DENND6A: variants seen among roughly 807,000 people sequenced by gnomAD.
The protein encoded by DENND6A is DENN domain containing 6A.
DENND6A carries 43 observed loss-of-function variants against 95.5 expected under a neutral mutation model. The ratio of observed to expected loss-of-function variants is 0.45; its 90% CI spans 0.35 to 0.58. The LOEUF (loss-of-function observed/expected upper bound fraction) is 0.58, where lower values mean the gene tolerates loss of function less well. DENND6A is among the 20% of genes least tolerant of loss of function. The pLI, the probability that DENND6A is intolerant of heterozygous loss-of-function variation, is 0.00. For missense variants in DENND6A, 574 were observed against 736.0 expected, an observed-to-expected ratio of 0.78 and a Z score of 2.55; for synonymous variants, 257 against 260.4, an observed-to-expected ratio of 0.99 and a Z score of 0.13.
At chr3:57,634,812 T>C in intron 12 of DENND6A, 43 bp from the exon 13 acceptor site, 2 of 1,439,746 alleles carry the variant, frequency 1.4e-6, no homozygotes, top group East Asian at 5.0e-5. Context: ...ATTCTAATCA[T>C]ACATATTACA....
At chr3:57,638,652 G>A (rs1311394069) in intron 12 of DENND6A, among the ~76,000 whole-genome samples, 6 of 151,654 alleles carry the variant, frequency 4.0e-5, no homozygotes, top group African/African-American at 7.3e-5. Context: ...GTGAGACTCC[G>A]TTTCAAAAAT....
chr3:57,682,824 C>T (rs2077178479), intron 1 of DENND6A, among the ~76,000 whole-genome samples: 2 of 152,096 alleles, frequency 1.3e-5, no homozygotes, highest in Non-Finnish European at 2.9e-5. Context: ...TACAGGTGTG[C>T]AACATCCCGC....
intron 1 of DENND6A, among the ~76,000 whole-genome samples, chr3:57,687,936 A>AG (rs1258709118): frequency 6.6e-6 from 1 of 151,362 alleles, no homozygotes; most frequent in African/African-American, 2.4e-5. Context: ...CCTCAAAAAA[A>AG]AAAAAAAGAA....
intron 1 of DENND6A, among the ~76,000 whole-genome samples, chr3:57,673,213 C>CAAAAAAAAAAAAAAAAA (rs386396751): frequency 4.2e-5 from 3 of 70,708 alleles, no homozygotes; most frequent in East Asian, 4.0e-4. Flanking sequence ...CATTTCGTAT[C>CAAAAAAAAAAAAAAAAA]AAAAAAAAAA....
chr3:57,666,359 GA>G (rs2071524516), intron 3 of DENND6A, 124 bp from the exon 4 acceptor site: 5 of 757,542 alleles, frequency 6.6e-6, no homozygotes, highest in Non-Finnish European at 1.0e-5. Context: ...TGTTTTGGAG[GA>G]AAAAAAGAAA....
rs2070724022 is a variant in DENND6A at position 57,633,246 on chromosome 3, AATTT to A, written c.1353+15_1353+18del. ...TCACCAAATCATTAAATTATGCAAA[AATTT>A]ATTTATTAACTTACTAATGGAATGA... On this transcript the variant is annotated intron_variant, in intron 15 of 19. Coordinates refer to ENST00000311128, the MANE Select transcript of DENND6A (RefSeq NM_152678.3). The A allele has an allele frequency of 2.5e-6, 4 of 1,595,234 alleles. No individual in the cohort carries two copies. The highest frequency in any genetic ancestry group is 2.2e-5 in the South Asian group (2 of 90,276).
At chr3:57,639,398 T>C (rs1021290659) in intron 12 of DENND6A, among the ~76,000 whole-genome samples, 24 of 152,328 alleles carry the variant, frequency 1.6e-4, no homozygotes, top group Non-Finnish European at 2.8e-4. Context: ...CTACCAATGA[T>C]TTTGTGCAAA....
intron 11 of DENND6A, among the ~76,000 whole-genome samples, chr3:57,644,909 A>G (rs1229248234): frequency 6.6e-6 from 1 of 151,692 alleles, no homozygotes; most frequent in East Asian, 2.0e-4. Flanking sequence ...GGCAAGAACA[A>G]ATTCAGTGAA....
rs1233635396 is a variant in DENND6A at position 57,672,042 on chromosome 3, T to G, written c.319+214A>C. On this transcript the variant is annotated intron_variant, in intron 3 of 19. Coordinates refer to ENST00000311128, the MANE Select transcript of DENND6A (RefSeq NM_152678.3). ...CACTATTTTAAGAGTTTATTGTTCC[T>G]TGATGGTTTACCTCATCACACCATA... Among the ~76,000 whole-genome samples, 2 of 152,344 alleles carry G rather than the reference T, an allele frequency of 1.3e-5. 1 individual carries two copies. Among genetic ancestry groups the G allele is most frequent in the South Asian group, 4.1e-4 (2 of 4,830 alleles).
intron 5 of DENND6A, 94 bp downstream of exon 5, chr3:57,663,542 A>G (rs1361850456): frequency 1.4e-6 from 1 of 728,754 alleles, no homozygotes; most frequent in Admixed American, 2.9e-5. Context: ...AAGATAAAAT[A>G]CCAAAGACTT....
rs11285527 is a variant in DENND6A, at chr3:57,660,196, C to CTT, written c.699+562_699+563dup. The stretch of plus-strand genomic sequence containing the variant: ...CCATGTGTGAGCTTCCTACAAAGTT[C>CTT]TTTTTTTTTTTTTTTGAGACAGGGT... On this transcript the variant is annotated intron_variant, in intron 7 of 19. Transcript: ENST00000311128. Among the ~76,000 whole-genome samples, 39 of 139,152 alleles carry CTT rather than the reference C, an allele frequency of 2.8e-4. 2 individuals carry two copies. The South Asian group carries it at 7.4e-3, about 26-fold the overall frequency. 91.3% of individuals were successfully genotyped at this position (139,152 alleles called of 152,430 possible). A position where few individuals can be genotyped will look rare whatever the true frequency, so the allele number is the denominator to read the frequency against.
At chr3:57,672,126 A>C (rs148828920) in intron 3 of DENND6A, 130 bp downstream of exon 3, 25,197 of 892,864 alleles carry the variant, frequency 0.028, 433 homozygotes, top group Middle Eastern at 0.036. Context: ...AGGCATCATT[A>C]AAATAGGAAT....
chr3:57,680,950 T>C (rs1452799102), intron 1 of DENND6A, among the ~76,000 whole-genome samples: 1 of 152,168 alleles, frequency 6.6e-6, no homozygotes, highest in Non-Finnish European at 1.5e-5. Flanking sequence ...AGAACCCTCA[T>C]ATATCAGTAG....
At chr3:57,684,277 T>C (rs1431851638) in intron 1 of DENND6A, among the ~76,000 whole-genome samples, 3 of 150,018 alleles carry the variant, frequency 2.0e-5, no homozygotes, top group African/African-American at 4.9e-5. Context: ...CTGACCAACA[T>C]GGTGAAACCC....
intron 3 of DENND6A, among the ~76,000 whole-genome samples, chr3:57,671,351 C>T (rs151226007): frequency 0.01 from 1,533 of 151,966 alleles, 30 homozygotes; most frequent in African/African-American, 0.034. Context: ...GGTGAAACCC[C>T]GTCTCTACTA....
At chr3:57,646,764 T>C (rs1356735067) in intron 9 of DENND6A, among the ~76,000 whole-genome samples, 1 of 152,232 alleles carries the variant, frequency 6.6e-6, no homozygotes, top group Non-Finnish European at 1.5e-5. Flanking sequence ...AATATTGCTT[T>C]GATACTTTGA....
intron 1 of DENND6A, among the ~76,000 whole-genome samples, chr3:57,684,984 G>C (rs1251579144): frequency 3.9e-5 from 6 of 152,114 alleles, no homozygotes; most frequent in Non-Finnish European, 8.8e-5. Flanking sequence ...CACAGTCTCG[G>C]CTCACTGCAA....
chr3:57,677,221 C>A (rs17058450), intron 1 of DENND6A, among the ~76,000 whole-genome samples: 1 of 152,014 alleles, frequency 6.6e-6, no homozygotes, highest in South Asian at 2.1e-4. Context: ...TCTAATGGTA[C>A]CTTCTATTCC....
At position 57,630,480 on chromosome 3, in the gene DENND6A, G is replaced by A. The variant is rs1243213146; in HGVS notation, c.1561C>T (p.Arg521Trp). The A allele has an allele frequency of 2.5e-6, 4 of 1,594,546 alleles. No homozygotes were observed. The highest frequency in any genetic ancestry group is 2.6e-6 in the Non-Finnish European group (3 of 1,175,962). ...AATTTTTGGGTCATTTCCTTCCTCC[G>A]GGTCTTAAACCAGCCATCAAAATTT... ...SPNFDGWFKT[R>W]RKEMTQKLEA... Residue 521 changes from arginine (R) to tryptophan (W), a missense_variant, in exon 18 of 20, where the codon CGG becomes TGG. This residue lies in a region of DENND6A where 452 missense variants were observed against 630.9 expected (regional missense o/e 0.72). Transcript: ENST00000311128.
Sources: allele counts gnomAD v4.1 joint callset (sites outside exome capture counted in the v4.1 genomes callset), GRCh38; gene constraint gnomAD v4.1.1; regional missense constraint gnomAD v4.1.1; transcripts MANE v1.5; gene names NCBI Gene and HGNC (gene_info 2026-07-23, HGNC 2026-07-21).